TIMM10B: variants seen among roughly 807,000 people sequenced by gnomAD.
TIMM10B encodes mitochondrial import inner membrane translocase subunit Tim10 B.
In TIMM10B, 17 loss-of-function variants were observed where a neutral mutation model predicts 12.6. That is an observed-to-expected ratio of 1.35 (90% CI 0.92 to 2.03). The LOEUF is 2.03. TIMM10B is among the 30% of genes most tolerant of loss of function. The pLI is 0.00. For synonymous variants in TIMM10B, 63 were observed against 51.3 expected (o/e 1.23, Z -0.97); for missense variants, 165 against 133.3 (o/e 1.24, Z -1.17).
chr11:6,481,507 C>A lies in TIMM10B; in HGVS notation c.-10C>A, dbSNP rs568485263. ...AACGGAAGTGGCGTACGGCATGCGC[C>A]GGTGGCGTGATGGAGCGGCAGCAGC... On this transcript the variant is annotated 5_prime_UTR_variant, in exon 1 of 3. Transcript: ENST00000254616. 6.2e-7 allele frequency: 1 copy of A among 1,613,012 alleles called. No homozygotes were observed. Among genetic ancestry groups the A allele is most frequent in the Admixed American group, 1.7e-5 (1 of 59,964 alleles).
intron 2 of TIMM10B, 71 bp downstream of exon 2, chr11:6,481,923 C>G: frequency 6.2e-7 from 1 of 1,603,574 alleles, no homozygotes; most frequent in Non-Finnish European, 8.5e-7. Context: ...CCTCACCCCA[C>G]TTCCCGTACC....
In TIMM10B at chr11:6,483,798, C is replaced by T. The variant is rs1589858672; in HGVS notation, c.*1577C>T. 1 of 152,292 alleles carries T rather than the reference C, an allele frequency of 6.6e-6. No individual in the cohort carries two copies. Among genetic ancestry groups the T allele is most frequent in the East Asian group, 1.9e-4 (1 of 5,178 alleles). 9.4% of individuals were successfully genotyped at this position (152,292 alleles called of 1,614,324 possible). On this transcript the variant is annotated 3_prime_UTR_variant, in exon 3 of 3. Coordinates refer to ENST00000254616, the MANE Select transcript of TIMM10B (RefSeq NM_012192.4). ...ACTACCTACAAAGCAGATGTTCTAT[C>T]CTATCTACAGAGCAGAAAATTGAAA... is the stretch of plus-strand genomic sequence containing the variant.
At position 6,484,404 on chromosome 11, in the gene TIMM10B, C is replaced by A. The variant is rs1198358567; in HGVS notation, c.*2183C>A. On this transcript the variant is annotated 3_prime_UTR_variant, in exon 3 of 3. Coordinates refer to ENST00000254616, the MANE Select transcript of TIMM10B (RefSeq NM_012192.4). The stretch of plus-strand genomic sequence containing the variant: ...ACCACGGCCGGCCTATACAAAGTTT[C>A]TTATTGAGAAAAGTGGTTCCAATCA... The A allele has an allele frequency of 1.3e-5, 2 of 152,138 alleles. No individual in the cohort carries two copies. Among genetic ancestry groups the A allele is most frequent in the African/African-American group, 4.8e-5 (2 of 41,414 alleles). The allele number at this position is 152,138 out of a possible 1,614,324, so 9.4% of individuals were successfully genotyped here. A position where few individuals can be genotyped will look rare whatever the true frequency, so the allele number is the denominator to read the frequency against.
In TIMM10B at chr11:6,482,022, C is replaced by T. The variant is rs73400849; in HGVS notation, c.136-23C>T. On this transcript the variant is annotated intron_variant, in intron 2 of 2. Coordinates refer to ENST00000254616, the MANE Select transcript of TIMM10B (RefSeq NM_012192.4). ...CCCGACAGGGCACCTTTATCCTCCA[C>T]TTAAACCCTATCTTCCTTCTAGGAG... is the stretch of plus-strand genomic sequence containing the variant. The T allele has an allele frequency of 3.2e-3, 5,122 of 1,606,478 alleles. 149 individuals carry two copies. The African/African-American group carries it at 0.061, about 19-fold the overall frequency.
At position 6,482,302 on chromosome 11, in the gene TIMM10B, T is replaced by A; in HGVS notation, c.*81T>A. ...GGTGGACCTTGGGGTTGGTGAATCC[T>A]AAACAGAGAGAATTCGAGGTTGCCT... On this transcript the variant is annotated 3_prime_UTR_variant, in exon 3 of 3. Transcript: ENST00000254616. 1.5e-6 allele frequency: 2 copies of A among 1,354,134 alleles called. No individual in the cohort carries two copies. Among genetic ancestry groups the A allele is most frequent in the Non-Finnish European group, 1.0e-6 (1 of 1,003,634 alleles). The allele number at this position is 1,354,134 out of a possible 1,614,324, so 83.9% of individuals were successfully genotyped here.
Position 6,482,326 on chromosome 11 carries a change from C to T in TIMM10B, c.*105C>T. The T allele has an allele frequency of 8.7e-7, 1 of 1,148,126 alleles. No individual in the cohort carries two copies. Among genetic ancestry groups the T allele is most frequent in the Non-Finnish European group, 1.2e-6 (1 of 831,326 alleles). The allele number at this position is 1,148,126 out of a possible 1,614,324, so 71.1% of individuals were successfully genotyped here. ...CTAAACAGAGAGAATTCGAGGTTGC[C>T]TGAAAGCTGGGTGTCCTTGCTCCTT... On this transcript the variant is annotated 3_prime_UTR_variant, in exon 3 of 3. Transcript: ENST00000254616.
In TIMM10B at chr11:6,482,094, G is replaced by C; in HGVS notation, c.185G>C (p.Arg62Pro). ...CAGKLIHSNH[R>P]LMAAYVQLMP... The stretch of plus-strand genomic sequence containing the variant: ...GGGAAGCTGATCCATTCCAACCACC[G>C]CCTCATGGCCGCTTACGTGCAGCTC... The change falls in exon 3 of 3, where the codon CGC (arginine) becomes CCC (proline). Residue 62 changes from arginine to proline, a missense_variant. Arg to Pro is a moderately radical substitution (Grantham distance 103). Coordinates refer to ENST00000254616, the MANE Select transcript of TIMM10B (RefSeq NM_012192.4). 1.2e-6 allele frequency: 2 copies of C among 1,613,964 alleles called. No homozygotes were observed. Among genetic ancestry groups the C allele is most frequent in the Non-Finnish European group, 1.7e-6 (2 of 1,180,006 alleles).
rs926518305 is a variant in TIMM10B, at chr11:6,483,790, T to A, written c.*1569T>A. The A allele has an allele frequency of 6.6e-6, 1 of 152,190 alleles. No individual in the cohort carries two copies. Among genetic ancestry groups the A allele is most frequent in the African/African-American group, 2.4e-5 (1 of 41,420 alleles). The allele number at this position is 152,190 out of a possible 1,614,324, so 9.4% of individuals were successfully genotyped here. A position where few individuals can be genotyped will look rare whatever the true frequency, so the allele number is the denominator to read the frequency against. On this transcript the variant is annotated 3_prime_UTR_variant, in exon 3 of 3. Transcript: ENST00000254616. Reference sequence around the variant, plus strand: ...TTCTTACAACTACCTACAAAGCAGATGTTCTATCCTATCTACAGAGCAGAA... The same window carrying A: ...TTCTTACAACTACCTACAAAGCAGAAGTTCTATCCTATCTACAGAGCAGAA...
In TIMM10B at chr11:6,481,865, G is replaced by GT; in HGVS notation, c.135+14dup. ...GGACGCTGAGGAGGTGGGGAACTGT[G>GT]TAGGGAGGTTACGCTGCAAGAAGAG... On this transcript the variant is annotated intron_variant, in intron 2 of 2. Coordinates refer to ENST00000254616, the MANE Select transcript of TIMM10B (RefSeq NM_012192.4). The GT allele has an allele frequency of 1.9e-6, 3 of 1,613,396 alleles. No homozygotes were observed. The highest frequency in any genetic ancestry group is 2.5e-6 in the Non-Finnish European group (3 of 1,179,974).
chr11:6,482,384 G>A lies in TIMM10B; in HGVS notation c.*163G>A, dbSNP rs1471477571. 1.3e-5 allele frequency: 8 copies of A among 631,516 alleles called. No individual in the cohort carries two copies. Among genetic ancestry groups the A allele is most frequent in the African/African-American group, 1.8e-5 (1 of 54,702 alleles). The allele number at this position is 631,516 out of a possible 1,614,324, so 39.1% of individuals were successfully genotyped here. On this transcript the variant is annotated 3_prime_UTR_variant, in exon 3 of 3. Transcript: ENST00000254616. ...AGCCAATATACCCAGTTTTTACTCA[G>A]TTTGATTTATATTCTGGGCAAGGAA...
In TIMM10B at chr11:6,483,117, T is replaced by G. The variant is rs1362028081; in HGVS notation, c.*896T>G. 1 of 152,240 alleles carries G rather than the reference T, an allele frequency of 6.6e-6. No homozygotes were observed. The highest frequency in any genetic ancestry group is 2.4e-5 in the African/African-American group (1 of 41,460). 9.4% of individuals were successfully genotyped at this position (152,240 alleles called of 1,614,324 possible). A position where few individuals can be genotyped will look rare whatever the true frequency, so the allele number is the denominator to read the frequency against. Reference sequence around the variant, plus strand: ...GAAGGGAGAGAGCTGGGGACCATATTCTGCAATGCAGCCAAATCCGAGGAA... The same window carrying G: ...GAAGGGAGAGAGCTGGGGACCATATGCTGCAATGCAGCCAAATCCGAGGAA... On this transcript the variant is annotated 3_prime_UTR_variant, in exon 3 of 3. Transcript: ENST00000254616.
Position 6,484,636 on chromosome 11 carries a change from A to T in TIMM10B, c.*2415A>T, listed in dbSNP as rs1271597356. On this transcript the variant is annotated 3_prime_UTR_variant, in exon 3 of 3. Transcript: ENST00000254616. ...GCTGCTGGTGGGAGGACCCTTCCAC[A>T]TCAACATTTGTGTGTATCCTTGCAA... The T allele has an allele frequency of 2.0e-5, 3 of 152,272 alleles. No individual in the cohort carries two copies. The allele number at this position is 152,272 out of a possible 1,614,324, so 9.4% of individuals were successfully genotyped here.
At position 6,482,184 on chromosome 11, in the gene TIMM10B, C is replaced by G. The variant is rs1173762879; in HGVS notation, c.275C>G (p.Ala92Gly). The change falls in exon 3 of 3, where the codon GCT (alanine) becomes GGT (glycine). Residue 92 changes from alanine to glycine, a missense_variant. Transcript: ENST00000254616. ...YEAASAVPGV[A>G]AEQPGVSPSG... ...GCTGCCTCGGCTGTGCCAGGCGTTGCTGCTGAACAGCCTGGGGTCTCTCCA... is the reference window on the plus strand; with the variant it reads ...GCTGCCTCGGCTGTGCCAGGCGTTGGTGCTGAACAGCCTGGGGTCTCTCCA... The G allele has an allele frequency of 6.2e-7, 1 of 1,610,248 alleles. No individual in the cohort carries two copies. Among genetic ancestry groups the G allele is most frequent in the Non-Finnish European group, 8.5e-7 (1 of 1,179,886 alleles).
At position 6,482,664 on chromosome 11, in the gene TIMM10B, G is replaced by C. The variant is rs1382710550; in HGVS notation, c.*443G>C. Reference sequence around the variant, plus strand: ...TAACAGATGAGGAAGCAAGATTCCAGAAAGTACCAGAAGGTCATTTTATAC... The same window carrying C: ...TAACAGATGAGGAAGCAAGATTCCACAAAGTACCAGAAGGTCATTTTATAC... On this transcript the variant is annotated 3_prime_UTR_variant, in exon 3 of 3. Coordinates refer to ENST00000254616, the MANE Select transcript of TIMM10B (RefSeq NM_012192.4). The C allele has an allele frequency of 1.3e-5, 2 of 158,882 alleles. No homozygotes were observed. The highest frequency in any genetic ancestry group is 4.8e-5 in the African/African-American group (2 of 41,598). 9.8% of individuals were successfully genotyped at this position (158,882 alleles called of 1,614,324 possible). A position where few individuals can be genotyped will look rare whatever the true frequency, so the allele number is the denominator to read the frequency against.
chr11:6,482,123 C>T lies in TIMM10B; in HGVS notation c.214C>T (p.Pro72Ser). Residue 72 changes from proline (P) to serine (S), a missense_variant, in exon 3 of 3, where the codon CCT (proline) becomes TCT (serine). Transcript: ENST00000254616. ...RLMAAYVQLMPALVQRRIADY... is the reference protein window; with the variant it reads ...RLMAAYVQLMSALVQRRIADY... ...CATGGCCGCTTACGTGCAGCTCATGCCTGCCCTGGTACAGCGCCGCATCGC... is the reference window on the plus strand; with the variant it reads ...CATGGCCGCTTACGTGCAGCTCATGTCTGCCCTGGTACAGCGCCGCATCGC... The T allele has an allele frequency of 6.2e-7, 1 of 1,613,682 alleles. No homozygotes were observed.
chr11:6,481,916 C>G (rs1159023673), intron 2 of TIMM10B, 64 bp downstream of exon 2: 1 of 1,604,926 alleles, frequency 6.2e-7, no homozygotes, highest in East Asian at 2.2e-5. Flanking sequence ...CTTCCCTCCT[C>G]ACCCCACTTC....
Position 6,481,745 on chromosome 11 carries a change from C to G in TIMM10B, c.40-12C>G. On this transcript the variant is annotated splice_polypyrimidine_tract_variant and intron_variant, in intron 1 of 2. Transcript: ENST00000254616. ...CCTTATCGCTGAGTTTGTGGTCCCC[C>G]TTTTCTCTCAGCTGCGTGACTTCCT... 1 of 1,614,080 alleles carries G rather than the reference C, an allele frequency of 6.2e-7. No individual in the cohort carries two copies. Among genetic ancestry groups the G allele is most frequent in the Non-Finnish European group, 8.5e-7 (1 of 1,180,034 alleles).
chr11:6,483,139 G>A lies in TIMM10B; in HGVS notation c.*918G>A, dbSNP rs1163728848. On this transcript the variant is annotated 3_prime_UTR_variant, in exon 3 of 3. Transcript: ENST00000254616. ...TATTCTGCAATGCAGCCAAATCCGA[G>A]GAAGAGAAACTGAAGGGAGAAGTAG... is the stretch of plus-strand genomic sequence containing the variant. 1 of 152,238 alleles carries A rather than the reference G, an allele frequency of 6.6e-6. No individual in the cohort carries two copies. The highest frequency in any genetic ancestry group is 2.4e-5 in the African/African-American group (1 of 41,444). The allele number at this position is 152,238 out of a possible 1,614,324, so 9.4% of individuals were successfully genotyped here. A position where few individuals can be genotyped will look rare whatever the true frequency, so the allele number is the denominator to read the frequency against.
intron 2 of TIMM10B, 57 bp downstream of exon 2, chr11:6,481,909 C>G (rs1046674659): frequency 2.5e-6 from 4 of 1,605,698 alleles, no homozygotes; most frequent in Non-Finnish European, 3.4e-6. Context: ...TAGACTGCTT[C>G]CCTCCTCACC....
Sources: gnomAD v4.1 joint callset for allele counts on GRCh38, gnomAD v4.1.1 for gene constraint, MANE v1.5 for transcripts, NCBI Gene and HGNC (gene_info 2026-07-23, HGNC 2026-07-21) for gene names.